The following HEY2 variants were observed in gnomAD, a reference collection of about 807,000 sequenced individuals.
HEY2 encodes the protein hes related family bHLH transcription factor with YRPW motif 2.
Under a neutral mutation model 18.1 loss-of-function variants are expected in HEY2, and 10 were observed. The observed-to-expected ratio is 0.55, with a 90% CI of 0.34 to 0.94. The LOEUF is 0.94. Ranked by LOEUF, HEY2 falls within the 40% of genes least tolerant of loss-of-function variation. The probability of loss-of-function intolerance (pLI) is 0.02; values close to 1 mark genes in which losing one functional copy is unlikely to be tolerated. For missense variants in HEY2, 455 were observed against 455.9 expected, an observed-to-expected ratio of 1.00 and a Z score of 0.02; for synonymous variants, 210 against 182.7, an observed-to-expected ratio of 1.15 and a Z score of -1.21.
chr6:125,759,130 A>G lies in HEY2; in HGVS notation c.342A>G (p.Ala114=). 1 of 1,602,710 alleles carries G rather than the reference A, an allele frequency of 6.2e-7. No individual in the cohort carries two copies. The highest frequency in any genetic ancestry group is 8.5e-7 in the Non-Finnish European group (1 of 1,173,686). ...QATGGKGYFD[A]HALAMDFMSI... is the part of the protein sequence containing the mutation. The stretch of plus-strand genomic sequence containing the variant: ...ACCCACTTTTAGGCTACTTTGACGC[A>G]CACGCTCTTGCCATGGACTTCATGA... Residue 114 remains alanine (A), a synonymous_variant, in exon 5 of 5, where the codon GCA becomes GCG. Transcript: ENST00000368364.
chr6:125,751,909 T>C (rs1773550575), intron 2 of HEY2, 30 bp downstream of exon 2: 1 of 1,590,506 alleles, frequency 6.3e-7, no homozygotes, highest in Non-Finnish European at 8.6e-7. Context: ...TTTTATTTCA[T>C]GTAACTTATA....
chr6:125,750,394 G>C (rs1252966127), intron 1 of HEY2: 1 of 985,258 alleles, frequency 1.0e-6, no homozygotes, highest in African/African-American at 1.7e-5. Flanking sequence ...GTAAGCATCG[G>C]AAAGGGCATC....
At chr6:125,754,653 C>T (rs1015915360) in intron 4 of HEY2, 107 bp downstream of exon 4, 12 of 531,310 alleles carry the variant, frequency 2.3e-5, no homozygotes, top group Non-Finnish European at 3.3e-5. Context: ...AGTTCTTTAA[C>T]AAGCTGAGAT....
intron 3 of HEY2, among the ~76,000 whole-genome samples, chr6:125,753,645 C>A (rs1773595644): frequency 6.6e-6 from 1 of 152,144 alleles, no homozygotes; most frequent in South Asian, 2.1e-4. Flanking sequence ...CCCGAGACAG[C>A]TTGAAATGGC....
chr6:125,754,991 G>A (rs1414456410), intron 4 of HEY2, among the ~76,000 whole-genome samples: 1 of 152,160 alleles, frequency 6.6e-6, no homozygotes, highest in African/African-American at 2.4e-5. Context: ...TGAAGGCTAA[G>A]ACTGAAAATA....
chr6:125,749,857 G>C lies in HEY2; in HGVS notation c.81G>C (p.Ser27=). The C allele has an allele frequency of 6.4e-7, 1 of 1,571,278 alleles. No individual in the cohort carries two copies. Among genetic ancestry groups the C allele is most frequent in the Non-Finnish European group, 8.6e-7 (1 of 1,158,794 alleles). ...ACGTGGGGAGCGAGAACAATTACTC[G>C]GGGTGAGCGCGGGCTCCGCGGGAGC... ...TIDVGSENNY[S]GQSTSSVIRL... Residue 27 remains serine, a splice_region_variant and synonymous_variant, in exon 1 of 5, where the codon TCG becomes TCC. Transcript: ENST00000368364.
rs761904411 is a variant in HEY2 at position 125,759,471 on chromosome 6, C to T, written c.683C>T (p.Thr228Met). Residue 228 changes from threonine to methionine, a missense_variant, in exon 5 of 5, where the codon ACG (threonine) becomes ATG (methionine). Coordinates refer to ENST00000368364, the MANE Select transcript of HEY2 (RefSeq NM_012259.3). ...CCTGCCCACGGCTCTGCTCTCCTCA[C>T]GGCCACGTTTGCCCATGCGGATTCA... is the stretch of plus-strand genomic sequence containing the variant. ...VPPAHGSALL[T>M]ATFAHADSAL... 8 of 1,611,436 alleles carry T rather than the reference C, an allele frequency of 5.0e-6. No individual in the cohort carries two copies. The African/African-American group carries it at 9.3e-5, about 19-fold the overall frequency.
chr6:125,750,927 G>A (rs912588148), intron 1 of HEY2, among the ~76,000 whole-genome samples: 23 of 152,116 alleles, frequency 1.5e-4, no homozygotes, highest in Non-Finnish European at 2.5e-4. Flanking sequence ...AGGAACCTGG[G>A]GAATTTGAGA....
In HEY2 at chr6:125,759,943, AC is replaced by A. The variant is rs1294707427; in HGVS notation, c.*142del. The A allele has an allele frequency of 2.8e-6, 2 of 702,574 alleles. No individual in the cohort carries two copies. Among genetic ancestry groups the A allele is most frequent in the Non-Finnish European group, 2.3e-6 (1 of 429,128 alleles). The allele number at this position is 702,574 out of a possible 1,614,324, so 43.5% of individuals were successfully genotyped here. A position where few individuals can be genotyped will look rare whatever the true frequency, so the allele number is the denominator to read the frequency against. On this transcript the variant is annotated 3_prime_UTR_variant, in exon 5 of 5. Transcript: ENST00000368364. ...TAAAGCTATTTGAGACACAAACCTCACGAGTGGAAATGTGGTATTCTCTTTT... is the reference window on the plus strand; with the variant it reads ...TAAAGCTATTTGAGACACAAACCTCAGAGTGGAAATGTGGTATTCTCTTTT...
At position 125,754,504 on chromosome 6, in the gene HEY2, A is replaced by G. The variant is rs747221103; in HGVS notation, c.286A>G (p.Thr96Ala). 1 of 1,604,202 alleles carries G rather than the reference A, an allele frequency of 6.2e-7. No homozygotes were observed. Among genetic ancestry groups the G allele is most frequent in the Admixed American group, 1.7e-5 (1 of 59,284 alleles). The stretch of plus-strand genomic sequence containing the variant: ...AGAAAAAGCTGAAATATTGCAAATG[A>G]CAGTGGATCATTTGAAGATGCTTCA... The part of the protein sequence containing the change: ...KLEKAEILQM[T>A]VDHLKMLQAT... The change falls in exon 4 of 5, where the codon ACA (threonine) becomes GCA (alanine). Residue 96 changes from threonine to alanine, a missense_variant. By Grantham distance (58) the Thr-to-Ala change is moderately conservative (BLOSUM62 0). Coordinates refer to ENST00000368364, the MANE Select transcript of HEY2 (RefSeq NM_012259.3).
At position 125,759,453 on chromosome 6, in the gene HEY2, A is replaced by G. The variant is rs772330587; in HGVS notation, c.665A>G (p.His222Arg). ...ACAACTTCAGAAGTGCCTCCTGCCC[A>G]CGGCTCTGCTCTCCTCACGGCCACG... ...LSTTSEVPPA[H>R]GSALLTATFA... The change falls in exon 5 of 5, where the codon CAC becomes CGC. Residue 222 changes from histidine to arginine, a missense_variant. Coordinates refer to ENST00000368364, the MANE Select transcript of HEY2 (RefSeq NM_012259.3). 6.2e-7 allele frequency: 1 copy of G among 1,611,648 alleles called. No homozygotes were observed. Among genetic ancestry groups the G allele is most frequent in the Admixed American group, 1.7e-5 (1 of 60,016 alleles).
In HEY2 at chr6:125,759,502, C is replaced by A. The variant is rs895930298; in HGVS notation, c.714C>A (p.Leu238=). 1 of 1,611,434 alleles carries A rather than the reference C, an allele frequency of 6.2e-7. No homozygotes were observed. The highest frequency in any genetic ancestry group is 1.3e-5 in the African/African-American group (1 of 75,068). Residue 238 remains leucine, a synonymous_variant, in exon 5 of 5, where the codon CTC becomes CTA. Transcript: ENST00000368364. Reference sequence around the variant, plus strand: ...CGTTTGCCCATGCGGATTCAGCCCTCCGAATGCCATCCACGGGCAGCGTCG... The same window carrying A: ...CGTTTGCCCATGCGGATTCAGCCCTACGAATGCCATCCACGGGCAGCGTCG... ...TATFAHADSA[L]RMPSTGSVAP...
rs1188843049 is a variant in HEY2 at position 125,749,919 on chromosome 6, T to C, written c.83+60T>C. 3.0e-6 allele frequency: 4 copies of C among 1,314,800 alleles called. No homozygotes were observed. In the East Asian group the frequency reaches 7.5e-5, roughly 25 times the overall value. 81.4% of individuals were successfully genotyped at this position (1,314,800 alleles called of 1,614,324 possible). ...CGGGAGCTTGGGGTAGCTTTGTGAATGCGTGGCTCCCTGGAAATCCCGAGG... is the reference window on the plus strand; with the variant it reads ...CGGGAGCTTGGGGTAGCTTTGTGAACGCGTGGCTCCCTGGAAATCCCGAGG... On this transcript the variant is annotated intron_variant, in intron 1 of 4. Coordinates refer to ENST00000368364, the MANE Select transcript of HEY2 (RefSeq NM_012259.3).
Position 125,757,772 on chromosome 6 carries a change from G to A in HEY2, c.329-1345G>A, listed in dbSNP as rs143278416. Among the ~76,000 whole-genome samples the A allele has an allele frequency of 9.8e-3, 1,486 of 152,278 alleles. 26 individuals are homozygous for A. Among genetic ancestry groups the A allele is most frequent in the East Asian group, 0.04 (208 of 5,174 alleles). On this transcript the variant is annotated intron_variant, in intron 4 of 4. Transcript: ENST00000368364. ...TAGACCAGTCTGAGCAACATAGCGA[G>A]ATCTTGTCTGTACTAAAAATCACAC...
Position 125,759,887 on chromosome 6 carries a change from T to C in HEY2, c.*85T>C, listed in dbSNP as rs886715796. ...AACCTCTGCACCCTGAAGGTAGCCA[T>C]ACAGATGCCGACAGATCCACAAAGG... On this transcript the variant is annotated 3_prime_UTR_variant, in exon 5 of 5. Coordinates refer to ENST00000368364, the MANE Select transcript of HEY2 (RefSeq NM_012259.3). 2 of 1,078,490 alleles carry C rather than the reference T, an allele frequency of 1.9e-6. No homozygotes were observed. The highest frequency in any genetic ancestry group is 3.2e-5 in the African/African-American group (2 of 63,196). The allele number at this position is 1,078,490 out of a possible 1,614,324, so 66.8% of individuals were successfully genotyped here.
rs1399567722 is a variant in HEY2, at chr6:125,749,772, C to T, written c.-5C>T. 5 of 1,567,114 alleles carry T rather than the reference C, an allele frequency of 3.2e-6. No individual in the cohort carries two copies. The Admixed American group carries it at 5.6e-5, about 18-fold the overall frequency. On this transcript the variant is annotated 5_prime_UTR_variant, in exon 1 of 5. Coordinates refer to ENST00000368364, the MANE Select transcript of HEY2 (RefSeq NM_012259.3). Reference sequence around the variant, plus strand: ...CGGGCTGTGCCCCGCGCGGTCTTCGCCGGGATGAAGCGCCCCTGCGAGGAG... The same window carrying T: ...CGGGCTGTGCCCCGCGCGGTCTTCGTCGGGATGAAGCGCCCCTGCGAGGAG...
In HEY2 at chr6:125,759,466, C is replaced by G. The variant is rs1195249576; in HGVS notation, c.678C>G (p.Leu226=). The change falls in exon 5 of 5, where the codon CTC becomes CTG. Residue 226 remains leucine, a synonymous_variant. Transcript: ENST00000368364. Reference sequence around the variant, plus strand: ...TGCCTCCTGCCCACGGCTCTGCTCTCCTCACGGCCACGTTTGCCCATGCGG... The same window carrying G: ...TGCCTCCTGCCCACGGCTCTGCTCTGCTCACGGCCACGTTTGCCCATGCGG... ...SEVPPAHGSA[L]LTATFAHADS... 1 of 1,611,678 alleles carries G rather than the reference C, an allele frequency of 6.2e-7. No individual in the cohort carries two copies. Among genetic ancestry groups the G allele is most frequent in the Non-Finnish European group, 8.5e-7 (1 of 1,179,986 alleles).
In HEY2 at chr6:125,749,667, G is replaced by C; in HGVS notation, c.-110G>C. On this transcript the variant is annotated 5_prime_UTR_variant, in exon 1 of 5. Coordinates refer to ENST00000368364, the MANE Select transcript of HEY2 (RefSeq NM_012259.3). ...CTAGGAGCAGACCGCGCCGCCGCCGGAGCCGCGCCTGCCCAGGCCCGGGGA... is the reference window on the plus strand; with the variant it reads ...CTAGGAGCAGACCGCGCCGCCGCCGCAGCCGCGCCTGCCCAGGCCCGGGGA... 1 of 647,900 alleles carries C rather than the reference G, an allele frequency of 1.5e-6. No individual in the cohort carries two copies. Among genetic ancestry groups the C allele is most frequent in the Non-Finnish European group, 2.4e-6 (1 of 419,916 alleles). The allele number at this position is 647,900 out of a possible 1,614,324, so 40.1% of individuals were successfully genotyped here. A position where few individuals can be genotyped will look rare whatever the true frequency, so the allele number is the denominator to read the frequency against.
intron 4 of HEY2, among the ~76,000 whole-genome samples, chr6:125,758,481 A>T (rs911643307): frequency 5.9e-5 from 9 of 152,204 alleles, no homozygotes; most frequent in African/African-American, 2.2e-4. Context: ...AATTTTTTTT[A>T]AAAACTCATT....
Sources: allele counts gnomAD v4.1 joint callset (sites outside exome capture counted in the v4.1 genomes callset), GRCh38; gene constraint gnomAD v4.1.1; transcripts MANE v1.5; gene names NCBI Gene and HGNC (gene_info 2026-07-23, HGNC 2026-07-21).